Variants in MYO9A observed in about 807,000 individuals in gnomAD.
MYO9A encodes myosin IXA.
Under a neutral mutation model 293.3 loss-of-function variants are expected in MYO9A, and 103 were observed. The ratio of observed to expected loss-of-function variants is 0.35; its 90% CI spans 0.30 to 0.41. The LOEUF is 0.41. Ranked by LOEUF, MYO9A falls within the 10% of genes least tolerant of loss-of-function variation. MYO9A has a pLI of 1.00. For missense variants in MYO9A, 2,685 were observed against 3,033.0 expected (o/e 0.89, Z 2.69); for synonymous variants, 1,001 against 1,035.7 (o/e 0.97, Z 0.64).
intron 40 of MYO9A, among the ~76,000 whole-genome samples, chr15:71,829,724 A>G (rs1330678486): frequency 6.6e-6 from 1 of 152,010 alleles, no homozygotes; most frequent in East Asian, 1.9e-4. Context: ...TTCTTTGCAA[A>G]ATAAATCTGT....
intron 14 of MYO9A, among the ~76,000 whole-genome samples, chr15:71,957,029 T>G (rs1001266433): frequency 6.6e-6 from 1 of 152,142 alleles, no homozygotes; most frequent in Non-Finnish European, 1.5e-5. Context: ...TCTCTACTTG[T>G]TGGCTATTAG....
At chr15:72,099,456 G>C (rs1371267955) in intron 1 of MYO9A, among the ~76,000 whole-genome samples, 1 of 144,754 alleles carries the variant, frequency 6.9e-6, no homozygotes, top group Non-Finnish European at 1.5e-5. Context: ...AAAAAAATTA[G>C]CCAGGTCTAG....
At chr15:72,069,557 T>C (rs2079120700) in intron 1 of MYO9A, among the ~76,000 whole-genome samples, 1 of 152,166 alleles carries the variant, frequency 6.6e-6, no homozygotes, top group Non-Finnish European at 1.5e-5. Context: ...GATCTCTAGA[T>C]AAGAGATTCA....
intron 41 of MYO9A, 123 bp downstream of exon 41, chr15:71,827,761 C>G: frequency 8.7e-7 from 1 of 1,148,610 alleles, no homozygotes; most frequent in Non-Finnish European, 1.2e-6. Flanking sequence ...CAAAATTCCT[C>G]AAGACTTTGT....
intron 18 of MYO9A, among the ~76,000 whole-genome samples, chr15:71,925,114 A>C (rs192907951): frequency 8.0e-5 from 12 of 150,742 alleles, no homozygotes; most frequent in East Asian, 3.9e-4. Context: ...CAGTATTGCT[A>C]TCTCTCTCTC....
chr15:72,024,320 G>T (rs575243509), intron 4 of MYO9A, among the ~76,000 whole-genome samples: 3 of 152,338 alleles, frequency 2.0e-5, no homozygotes, highest in African/African-American at 7.2e-5. Context: ...ATCTCACTCT[G>T]TTGCCCAGGC....
At chr15:71,914,109 C>T (rs1298569678) in intron 19 of MYO9A, among the ~76,000 whole-genome samples, 4 of 152,162 alleles carry the variant, frequency 2.6e-5, no homozygotes, top group Non-Finnish European at 5.9e-5. Flanking sequence ...ATTTCCTTCT[C>T]CTCTTTACTC....
intron 2 of MYO9A, 27 bp from the exon 3 acceptor site, chr15:72,032,615 T>C: frequency 6.4e-7 from 1 of 1,553,186 alleles, no homozygotes; most frequent in East Asian, 2.3e-5. Context: ...TTCTCATTAG[T>C]TTCACTAAAA....
chr15:71,943,369 C>T (rs1048686236), intron 15 of MYO9A, among the ~76,000 whole-genome samples: 2 of 151,976 alleles, frequency 1.3e-5, no homozygotes, highest in African/African-American at 2.4e-5. Flanking sequence ...CACCAAAATG[C>T]ATGCCAGTAT....
At chr15:72,117,658 T>G in intron 1 of MYO9A, 22 bp downstream of exon 1, 1 of 395,892 alleles carries the variant, frequency 2.5e-6, no homozygotes, top group Non-Finnish European at 4.5e-6. Flanking sequence ...GCAGGGCCGC[T>G]GGGCGCTTGG....
intron 2 of MYO9A, among the ~76,000 whole-genome samples, chr15:72,035,328 CATT>C (rs1377892134): frequency 4.6e-5 from 7 of 152,092 alleles, no homozygotes; most frequent in Admixed American, 3.9e-4. Flanking sequence ...AAGGCACAAA[CATT>C]ATCATCAGCT....
At chr15:72,057,133 G>A (rs1419481721) in intron 1 of MYO9A, among the ~76,000 whole-genome samples, 1 of 151,230 alleles carries the variant, frequency 6.6e-6, no homozygotes, top group Non-Finnish European at 1.5e-5. Context: ...TTAGCCAGGT[G>A]TGGTGGCACA....
At chr15:72,084,169 G>A (rs1346532596) in intron 1 of MYO9A, among the ~76,000 whole-genome samples, 2 of 152,142 alleles carry the variant, frequency 1.3e-5, no homozygotes, top group African/African-American at 2.4e-5. Context: ...ATGAATCTGG[G>A]CGCTCCTGTG....
At chr15:71,988,465 C>A (rs1459428091) in intron 11 of MYO9A, among the ~76,000 whole-genome samples, 1 of 152,164 alleles carries the variant, frequency 6.6e-6, no homozygotes, top group African/African-American at 2.4e-5. Context: ...CAAATAATAT[C>A]TTTCCAAAGC....
chr15:71,893,853 C>A, intron 25 of MYO9A, 75 bp from the exon 26 acceptor site: 1 of 1,135,158 alleles, frequency 8.8e-7, no homozygotes, highest in South Asian at 1.4e-5. Flanking sequence ...AGACTTCCAG[C>A]AAATTCCATA....
intron 2 of MYO9A, among the ~76,000 whole-genome samples, chr15:72,042,225 C>T (rs896033562): frequency 1.3e-5 from 2 of 150,040 alleles, no homozygotes; most frequent in African/African-American, 4.9e-5. Context: ...CAATGTTAGG[C>T]ATGATGGTGC....
intron 2 of MYO9A, 63 bp from the exon 3 acceptor site, chr15:72,032,651 G>A (rs1015176285): frequency 7.0e-5 from 74 of 1,053,830 alleles, no homozygotes; most frequent in Non-Finnish European, 9.3e-5. Flanking sequence ...TTGGAGGGGG[G>A]ATTAGGTCAG....
chr15:71,987,362 A>G (rs1660662617), intron 11 of MYO9A, among the ~76,000 whole-genome samples: 1 of 152,198 alleles, frequency 6.6e-6, no homozygotes, highest in African/African-American at 2.4e-5. Context: ...TGCTAAATAT[A>G]CTTCAAATAG....
At chr15:71,912,118 G>C (rs1004990460) in intron 19 of MYO9A, among the ~76,000 whole-genome samples, 2 of 152,088 alleles carry the variant, frequency 1.3e-5, no homozygotes, top group East Asian at 3.9e-4. Context: ...GTTCTGTATA[G>C]TGTAAAAGCT....
Sources: allele counts gnomAD v4.1 joint callset (sites outside exome capture counted in the v4.1 genomes callset), GRCh38; gene constraint gnomAD v4.1.1; transcripts MANE v1.5; gene names NCBI Gene and HGNC (gene_info 2026-07-23, HGNC 2026-07-21).